The following SNTG1 variants were observed in gnomAD, a reference collection of about 807,000 sequenced individuals.
SNTG1 encodes the protein syntrophin gamma 1, also known as gamma-1-syntrophin.
A neutral mutation model predicts 74.7 loss-of-function variants in SNTG1; 39 were observed. The observed-to-expected ratio is 0.52, with a 90% CI of 0.40 to 0.68. The LOEUF (loss-of-function observed/expected upper bound fraction) is 0.68, where lower values mean the gene tolerates loss of function less well. SNTG1 is among the 30% of genes least tolerant of loss of function. SNTG1 has a pLI of 0.00. For synonymous variants in SNTG1, 254 were observed against 217.1 expected (o/e 1.17, Z -1.49); for missense variants, 685 against 609.5 (o/e 1.12, Z -1.30).
chr8:50,278,127 C>T (rs190282269), intron 2 of SNTG1, among the ~76,000 whole-genome samples: 133 of 151,992 alleles, frequency 8.8e-4, no homozygotes, highest in African/African-American at 3.0e-3. Flanking sequence ...GAGCCAAGAT[C>T]GCACCATTGC....
At chr8:50,229,221 C>T (rs896029914) in intron 2 of SNTG1, among the ~76,000 whole-genome samples, 2 of 151,434 alleles carry the variant, frequency 1.3e-5, no homozygotes, top group Non-Finnish European at 3.0e-5. Context: ...GCAAATGCAA[C>T]ACATTGAAAA....
intron 12 of SNTG1, among the ~76,000 whole-genome samples, chr8:50,580,461 G>A (rs918142575): frequency 6.6e-6 from 1 of 152,054 alleles, no homozygotes; most frequent in African/African-American, 2.4e-5. Flanking sequence ...AGGGGCCAGG[G>A]GCAGAATGAT....
At chr8:50,254,707 G>A (rs563023122) in intron 2 of SNTG1, among the ~76,000 whole-genome samples, 155 of 152,076 alleles carry the variant, frequency 1.0e-3, no homozygotes, top group Admixed American at 1.7e-3. Flanking sequence ...TTAGCCGGGC[G>A]TGGTGATGCG....
intron 2 of SNTG1, among the ~76,000 whole-genome samples, chr8:50,340,234 T>G (rs1015630736): frequency 6.6e-6 from 1 of 151,936 alleles, no homozygotes; most frequent in African/African-American, 2.4e-5. Flanking sequence ...AAATTCCACA[T>G]GGAAAGCAAA....
intron 1 of SNTG1, among the ~76,000 whole-genome samples, chr8:49,936,369 T>TATTA (rs970004024): frequency 6.6e-6 from 1 of 152,210 alleles, no homozygotes; most frequent in Non-Finnish European, 1.5e-5. Flanking sequence ...TTTCCCTGTT[T>TATTA]ATTAATATGA....
At chr8:50,297,422 T>C (rs2089437581) in intron 2 of SNTG1, among the ~76,000 whole-genome samples, 1 of 152,164 alleles carries the variant, frequency 6.6e-6, no homozygotes, top group African/African-American at 2.4e-5. Flanking sequence ...GCACACAATT[T>C]TTTTTCTTTT....
At position 50,742,698 on chromosome 8, in the gene SNTG1, AT is replaced by A. The variant is rs564591769; in HGVS notation, c.1285-9302del. ...ACAATAAAGATTATAGTTGAAAAAA[AT>A]AAAATAGATACTAGAAAGTAATGAA... On this transcript the variant is annotated intron_variant, in intron 17 of 18. Transcript: ENST00000642720. 2.9e-3 allele frequency among the ~76,000 whole-genome samples: 440 copies of A among 151,946 alleles called. 3 individuals are homozygous for A. The highest frequency in any genetic ancestry group is 0.01 in the African/African-American group (426 of 41,544).
intron 2 of SNTG1, among the ~76,000 whole-genome samples, chr8:50,295,902 G>T (rs1356421251): frequency 1.3e-5 from 2 of 152,134 alleles, no homozygotes; most frequent in African/African-American, 4.8e-5. Flanking sequence ...AACACCTAAT[G>T]ATTGATAACA....
chr8:50,014,900 C>T (rs1816166380), intron 1 of SNTG1, among the ~76,000 whole-genome samples: 1 of 151,468 alleles, frequency 6.6e-6, no homozygotes, highest in Non-Finnish European at 1.5e-5. Context: ...GAAAAAACAG[C>T]TACAAGACAC....
At chr8:50,760,495 T>A (rs2095595301) in intron 18 of SNTG1, among the ~76,000 whole-genome samples, 1 of 152,002 alleles carries the variant, frequency 6.6e-6, no homozygotes, top group Non-Finnish European at 1.5e-5. Context: ...ATAGCTCTTA[T>A]TATTTTGAGA....
chr8:50,028,501 C>T (rs944646982), intron 1 of SNTG1, among the ~76,000 whole-genome samples: 3 of 150,326 alleles, frequency 2.0e-5, no homozygotes, highest in Non-Finnish European at 1.5e-5. Context: ...GTGATATGGC[C>T]GTTGCAGGTG....
intron 1 of SNTG1, among the ~76,000 whole-genome samples, chr8:50,143,829 G>A (rs1455502919): frequency 6.6e-6 from 1 of 152,148 alleles, no homozygotes; most frequent in African/African-American, 2.4e-5. Context: ...TATTAAGACT[G>A]ACTTCCTAGG....
At chr8:50,118,391 T>A (rs564267922) in intron 1 of SNTG1, among the ~76,000 whole-genome samples, 1 of 152,360 alleles carries the variant, frequency 6.6e-6, no homozygotes, top group East Asian at 1.9e-4. Context: ...GAACTAAGAT[T>A]TATTAACTGC....
At chr8:50,089,559 AG>A (rs1393729601) in intron 1 of SNTG1, among the ~76,000 whole-genome samples, 1 of 152,162 alleles carries the variant, frequency 6.6e-6, no homozygotes, top group Non-Finnish European at 1.5e-5. Context: ...CAAATTTACA[AG>A]AAAAAAACAA....
chr8:50,509,919 G>T (rs1272918058), intron 9 of SNTG1, among the ~76,000 whole-genome samples: 1 of 152,080 alleles, frequency 6.6e-6, no homozygotes, highest in Admixed American at 6.6e-5. Context: ...TCCTTCTCCT[G>T]CCTGATTGTC....
chr8:50,398,535 C>G lies in SNTG1; in HGVS notation c.28-3675C>G, dbSNP rs188795772. Among the ~76,000 whole-genome samples the G allele has an allele frequency of 2.7e-3, 410 of 152,348 alleles. 2 individuals carry two copies. The highest frequency in any genetic ancestry group is 9.3e-3 in the African/African-American group (388 of 41,582). ...AAGACAAACCACACATATTTCCTAT[C>G]CTCCATAAACTCCCTTCCCTCATGA... On this transcript the variant is annotated intron_variant, in intron 3 of 18. Coordinates refer to ENST00000642720, the MANE Select transcript of SNTG1 (RefSeq NM_018967.5).
rs1208477535 is a variant in SNTG1 at position 50,502,891 on chromosome 8, A to G, written c.466+11A>G. On this transcript the variant is annotated intron_variant, in intron 9 of 18. Coordinates refer to ENST00000642720, the MANE Select transcript of SNTG1 (RefSeq NM_018967.5). ...ATGAAGATTGTGCATGTAAGCATTT[A>G]TAAAGAATAGATAAAAGTGCTCACA... The G allele has an allele frequency of 6.3e-7, 1 of 1,594,508 alleles. No homozygotes were observed. The highest frequency in any genetic ancestry group is 1.1e-5 in the South Asian group (1 of 90,038).
chr8:50,691,249 T>C (rs1178485373), intron 15 of SNTG1, among the ~76,000 whole-genome samples: 1 of 152,212 alleles, frequency 6.6e-6, no homozygotes, highest in Non-Finnish European at 1.5e-5. Flanking sequence ...CCCATTTACA[T>C]TTAAGGTTAA....
chr8:50,383,040 G>A (rs1037082260), intron 2 of SNTG1, among the ~76,000 whole-genome samples: 1 of 152,178 alleles, frequency 6.6e-6, no homozygotes, highest in Non-Finnish European at 1.5e-5. Context: ...GATTTCAGAT[G>A]TTAACCACAT....
Sources: gnomAD v4.1 joint callset for allele counts (sites outside exome capture counted in the v4.1 genomes callset) on GRCh38, gnomAD v4.1.1 for gene constraint, MANE v1.5 for transcripts, NCBI Gene and HGNC (gene_info 2026-07-23, HGNC 2026-07-21) for gene names.